Variants in CSMD3 observed in about 807,000 individuals in gnomAD.
The protein encoded by CSMD3 is CUB and Sushi multiple domains 3.
A neutral mutation model predicts 435.2 loss-of-function variants in CSMD3; 177 were observed. That is an observed-to-expected ratio of 0.41 (90% CI 0.36 to 0.46). The LOEUF is 0.46. Ranked by LOEUF, CSMD3 falls within the 20% of genes least tolerant of loss-of-function variation. CSMD3 has a pLI of 0.34. For missense variants in CSMD3, 4,265 were observed against 4,504.6 expected (o/e 0.95, Z 1.52); for synonymous variants, 1,656 against 1,520.5 (o/e 1.09, Z -2.07).
chr8:112,485,571 C>T (rs1820044413), intron 31 of CSMD3, among the ~76,000 whole-genome samples: 2 of 152,056 alleles, frequency 1.3e-5, no homozygotes, highest in Non-Finnish European at 2.9e-5. Flanking sequence ...TAGCACAAGA[C>T]AAGTCATGCC....
chr8:113,302,367 A>G (rs2093779536), intron 2 of CSMD3, among the ~76,000 whole-genome samples: 1 of 140,466 alleles, frequency 7.1e-6, no homozygotes, highest in South Asian at 2.1e-4. Context: ...ATCTGAAATG[A>G]TGTTATGAGA....
At chr8:113,408,557 A>C (rs1458516444) in intron 1 of CSMD3, among the ~76,000 whole-genome samples, 2 of 152,192 alleles carry the variant, frequency 1.3e-5, no homozygotes, top group Non-Finnish European at 2.9e-5. Context: ...CTGATCTAAA[A>C]AGAAAATAAA....
At chr8:112,682,833 A>G (rs2075931724) in intron 15 of CSMD3, among the ~76,000 whole-genome samples, 197 bp from the exon 16 acceptor site, 1 of 152,118 alleles carries the variant, frequency 6.6e-6, no homozygotes, top group South Asian at 2.1e-4. Context: ...GATGTGCAAT[A>G]AATGTGAATG....
intron 1 of CSMD3, among the ~76,000 whole-genome samples, chr8:113,383,372 C>T (rs1191475005): frequency 1.3e-5 from 2 of 152,122 alleles, no homozygotes; most frequent in African/African-American, 4.8e-5. Context: ...AAGGGACACA[C>T]ATATTTCTAC....
At chr8:112,636,765 T>C in intron 22 of CSMD3, 52 bp downstream of exon 22, 1 of 1,423,044 alleles carries the variant, frequency 7.0e-7, no homozygotes, top group South Asian at 1.1e-5. Context: ...ACCATGCAAC[T>C]CCATGGACAG....
chr8:112,440,657 C>T (rs368858986), intron 32 of CSMD3, among the ~76,000 whole-genome samples: 12 of 152,350 alleles, frequency 7.9e-5, no homozygotes, highest in African/African-American at 2.6e-4. Context: ...CCTCTGAAAT[C>T]GAGGCAGAGG....
At chr8:112,497,989 C>A (rs1821539116) in intron 30 of CSMD3, among the ~76,000 whole-genome samples, 1 of 151,940 alleles carries the variant, frequency 6.6e-6, no homozygotes, top group Non-Finnish European at 1.5e-5. Context: ...GGAATTGTGT[C>A]TAAATGTGTA....
intron 3 of CSMD3, among the ~76,000 whole-genome samples, chr8:113,184,646 T>C (rs1178966499): frequency 6.6e-6 from 1 of 152,070 alleles, no homozygotes; most frequent in Non-Finnish European, 1.5e-5. Flanking sequence ...TCACTAGAAC[T>C]CCAGTTCATC....
intron 5 of CSMD3, among the ~76,000 whole-genome samples, chr8:113,051,512 C>T (rs1402408381): frequency 6.6e-6 from 1 of 152,074 alleles, no homozygotes; most frequent in African/African-American, 2.4e-5. Context: ...AAATTTTACT[C>T]TCTTTGAATT....
chr8:112,441,201 T>C (rs972462709), intron 32 of CSMD3, among the ~76,000 whole-genome samples: 1 of 152,074 alleles, frequency 6.6e-6, no homozygotes, highest in Non-Finnish European at 1.5e-5. Context: ...AGGGGTAAAA[T>C]GCCACCAGTC....
At chr8:112,225,637 A>C (rs1812489841) in intron 70 of CSMD3, among the ~76,000 whole-genome samples, 1 of 152,174 alleles carries the variant, frequency 6.6e-6, no homozygotes, top group South Asian at 2.1e-4. Flanking sequence ...GCTGAGGCCT[A>C]ATTTGGAAAG....
intron 24 of CSMD3, among the ~76,000 whole-genome samples, chr8:112,566,239 A>C (rs1389492039): frequency 6.6e-6 from 1 of 152,042 alleles, no homozygotes; most frequent in Non-Finnish European, 1.5e-5. Flanking sequence ...CCATGTCTGC[A>C]CTTGTTAGCT....
intron 5 of CSMD3, among the ~76,000 whole-genome samples, chr8:113,064,209 C>T (rs1554765813): frequency 6.6e-6 from 1 of 151,718 alleles, no homozygotes; most frequent in African/African-American, 2.4e-5. Context: ...GAACCATTTG[C>T]TTTGTGTTTA....
chr8:112,295,264 G>T (rs530654615), intron 54 of CSMD3, among the ~76,000 whole-genome samples: 6 of 151,926 alleles, frequency 3.9e-5, no homozygotes, highest in African/African-American at 1.4e-4. Context: ...AGGGAATTAC[G>T]GCCCAGAGAG....
At chr8:113,208,059 A>C (rs775589350) in intron 3 of CSMD3, among the ~76,000 whole-genome samples, 1 of 152,186 alleles carries the variant, frequency 6.6e-6, no homozygotes, top group Non-Finnish European at 1.5e-5. Context: ...GTGATACCCA[A>C]CAGCAATAAC....
chr8:113,213,536 T>C (rs2092865020), intron 3 of CSMD3, among the ~76,000 whole-genome samples: 1 of 151,972 alleles, frequency 6.6e-6, no homozygotes, highest in East Asian at 1.9e-4. Flanking sequence ...CAAATTGAAA[T>C]GTTTAAGTCA....
chr8:112,686,384 G>A (rs2076011035), intron 14 of CSMD3, among the ~76,000 whole-genome samples: 1 of 151,266 alleles, frequency 6.6e-6, no homozygotes, highest in Non-Finnish European at 1.5e-5. Flanking sequence ...AGAACATTTA[G>A]AAAGCAGAGG....
intron 27 of CSMD3, among the ~76,000 whole-genome samples, chr8:112,520,917 T>C (rs1824216159): frequency 6.6e-6 from 1 of 151,934 alleles, no homozygotes; most frequent in South Asian, 2.1e-4. Context: ...ATCAAATCCA[T>C]CACCTCACTG....
At chr8:112,453,615 A>G (rs1400483776) in intron 32 of CSMD3, among the ~76,000 whole-genome samples, 2 of 152,190 alleles carry the variant, frequency 1.3e-5, no homozygotes, top group Non-Finnish European at 2.9e-5. Flanking sequence ...GTCACAGATG[A>G]CACAAACAAA....
Sources: gnomAD v4.1 joint callset for allele counts (sites outside exome capture counted in the v4.1 genomes callset) on GRCh38, gnomAD v4.1.1 for gene constraint, MANE v1.5 for transcripts, NCBI Gene and HGNC (gene_info 2026-07-23, HGNC 2026-07-21) for gene names.